Variants in UBN2 observed in about 807,000 individuals in gnomAD.
UBN2 encodes ubinuclein 2.
UBN2 carries 35 observed loss-of-function variants against 120.2 expected under a neutral mutation model. The ratio of observed to expected loss-of-function variants is 0.29; its 90% CI spans 0.22 to 0.39. The LOEUF (loss-of-function observed/expected upper bound fraction) is 0.39. UBN2 is among the 10% of genes least tolerant of loss of function. The pLI is 1.00. For missense variants in UBN2, 1,693 were observed against 1,663.2 expected (o/e 1.02, Z -0.31); for synonymous variants, 661 against 648.7 (o/e 1.02, Z -0.29).
chr7:139,248,367 G>GT (rs1024773908), intron 2 of UBN2, among the ~76,000 whole-genome samples: 4 of 152,052 alleles, frequency 2.6e-5, no homozygotes, highest in African/African-American at 9.7e-5. Flanking sequence ...TTCCAAAAGG[G>GT]TTTTATTGGT....
chr7:139,259,957 G>T (rs1017171335), intron 5 of UBN2, among the ~76,000 whole-genome samples: 1 of 151,986 alleles, frequency 6.6e-6, no homozygotes, highest in African/African-American at 2.4e-5. Flanking sequence ...AGTGAAACAT[G>T]AGGGTTTCAC....
chr7:139,278,863 T>C (rs1215468812), intron 12 of UBN2, among the ~76,000 whole-genome samples: 2 of 152,148 alleles, frequency 1.3e-5, no homozygotes, highest in African/African-American at 2.4e-5. Context: ...CAAGATTCCA[T>C]AGTAATTTTT....
At chr7:139,296,760 A>G (rs1383663060) in intron 17 of UBN2, among the ~76,000 whole-genome samples, 1 of 152,168 alleles carries the variant, frequency 6.6e-6, no homozygotes, top group Non-Finnish European at 1.5e-5. Context: ...GTGTGGTGGC[A>G]CACACCTGTA....
chr7:139,322,711 T>C, the UBN2 span, among the ~76,000 whole-genome samples: 8 of 151,838 alleles, frequency 5.3e-5, no homozygotes, highest in South Asian at 1.7e-3. Context: ...TTTTTGTATT[T>C]TTATTAGAGA....
intron 12 of UBN2, among the ~76,000 whole-genome samples, chr7:139,278,059 T>C (rs1371844700): frequency 6.6e-6 from 1 of 152,154 alleles, no homozygotes; most frequent in African/African-American, 2.4e-5. Context: ...TTGAAAACTG[T>C]GGATAAGGGG....
chr7:139,244,257 G>A (rs552067675), intron 2 of UBN2, among the ~76,000 whole-genome samples: 69 of 152,294 alleles, frequency 4.5e-4, no homozygotes, highest in African/African-American at 1.6e-3. Flanking sequence ...CAAATCACCT[G>A]TAAGTCCACT....
intron 7 of UBN2, among the ~76,000 whole-genome samples, chr7:139,267,244 A>G (rs1393794697): frequency 6.6e-6 from 1 of 152,206 alleles, no homozygotes; most frequent in Non-Finnish European, 1.5e-5. Context: ...ATAGAAAGAC[A>G]CGGGAAAGGT....
intron 11 of UBN2, among the ~76,000 whole-genome samples, chr7:139,274,964 G>A (rs1012737997): frequency 6.6e-5 from 10 of 151,744 alleles, no homozygotes; most frequent in African/African-American, 2.4e-4. Context: ...ACAAAGAGTC[G>A]CTCTGTTTAA....
Position 139,293,229 on chromosome 7 carries a change from C to T in UBN2, c.3670-3C>T. ...TGTATTTTGACCCCTGGTTTCTGCA[C>T]AGTCCACAGCAGGAGCATCATTATT... On this transcript the variant is annotated splice_region_variant and splice_polypyrimidine_tract_variant and intron_variant, in intron 15 of 17. Coordinates refer to ENST00000473989, the MANE Select transcript of UBN2 (RefSeq NM_173569.4). The T allele has an allele frequency of 6.2e-7, 1 of 1,613,156 alleles. No individual in the cohort carries two copies. The highest frequency in any genetic ancestry group is 8.5e-7 in the Non-Finnish European group (1 of 1,179,132).
chr7:139,318,695 A>C, the UBN2 span, among the ~76,000 whole-genome samples: 1 of 152,060 alleles, frequency 6.6e-6, no homozygotes, highest in Non-Finnish European at 1.5e-5. Context: ...GGATTTAAAG[A>C]AGAAGGATTT....
intron 16 of UBN2, 104 bp downstream of exon 16, chr7:139,293,567 T>C: frequency 2.0e-6 from 2 of 977,384 alleles, no homozygotes; most frequent in Non-Finnish European, 2.9e-6. Context: ...TTAATGAAGA[T>C]TATAGTTTTT....
intron 7 of UBN2, among the ~76,000 whole-genome samples, chr7:139,268,938 C>T (rs1797180155): frequency 6.6e-6 from 1 of 152,196 alleles, no homozygotes; most frequent in African/African-American, 2.4e-5. Flanking sequence ...CGCAGTGGCT[C>T]ACACCTGTAA....
chr7:139,238,434 C>T (rs10232675), intron 2 of UBN2, among the ~76,000 whole-genome samples: 2 of 150,590 alleles, frequency 1.3e-5, no homozygotes, highest in Non-Finnish European at 2.9e-5. Context: ...TTCTTTTTCT[C>T]TCTTTTTTTC....
Position 139,231,781 on chromosome 7 carries a change from C to CCCGCCGCTGCCCTTGCAG in UBN2, c.303_320dup (p.Leu102_Pro107dup). On this transcript the variant is annotated inframe_insertion, in exon 1 of 18. Transcript: ENST00000473989. ...CGCGGCCCGAGCCGCCGCCGCCGTT[C>CCCGCCGCTGCCCTTGCAG]CCGCCGCTGCCCTTGCAGCCGCCCC... 5.4e-6 allele frequency: 7 copies of CCCGCCGCTGCCCTTGCAG among 1,293,170 alleles called. No individual in the cohort carries two copies. Among genetic ancestry groups the CCCGCCGCTGCCCTTGCAG allele is most frequent in the Non-Finnish European group, 6.8e-6 (7 of 1,026,274 alleles). The allele number at this position is 1,293,170 out of a possible 1,614,324, so 80.1% of individuals were successfully genotyped here.
At position 139,283,253 on chromosome 7, in the gene UBN2, G is replaced by T. The variant is rs1797669504; in HGVS notation, c.2348G>T (p.Gly783Val). The part of the protein sequence containing the change: ...ALAVINNGNK[G>V]PPVGSRISMP... ...GCGGTTATCAACAATGGGAACAAGGGCCCTCCAGTTGGCTCAAGGATAAGC... is the reference window on the plus strand; with the variant it reads ...GCGGTTATCAACAATGGGAACAAGGTCCCTCCAGTTGGCTCAAGGATAAGC... Residue 783 changes from glycine (G) to valine (V), a missense_variant, in exon 15 of 18, where the codon GGC becomes GTC. Physicochemically the swap from Gly to Val is moderately radical, Grantham distance 109. Around this residue, in one of 5 missense-constraint regions of UBN2, gnomAD observed 837 missense variants for 817.6 expected, o/e 1.02. Coordinates refer to ENST00000473989, the MANE Select transcript of UBN2 (RefSeq NM_173569.4). The T allele has an allele frequency of 1.2e-6, 2 of 1,613,326 alleles. No homozygotes were observed. Among genetic ancestry groups the T allele is most frequent in the Non-Finnish European group, 1.7e-6 (2 of 1,179,956 alleles).
At chr7:139,232,152 C>G (rs1424965317) in intron 1 of UBN2, among the ~76,000 whole-genome samples, 200 bp downstream of exon 1, 1 of 152,068 alleles carries the variant, frequency 6.6e-6, no homozygotes, top group Non-Finnish European at 1.5e-5. Flanking sequence ...GAGGCTCTCA[C>G]CCGGCTGCGC....
At chr7:139,322,447 C>T in the UBN2 span, among the ~76,000 whole-genome samples, 1 of 152,088 alleles carries the variant, frequency 6.6e-6, no homozygotes, top group Non-Finnish European at 1.5e-5. Context: ...TTGTTCATAC[C>T]TTAGCTCCTT....
chr7:139,259,827 C>T (rs1796876774), intron 5 of UBN2, among the ~76,000 whole-genome samples: 2 of 152,136 alleles, frequency 1.3e-5, no homozygotes, highest in Non-Finnish European at 2.9e-5. Flanking sequence ...AGGCTCACTG[C>T]AACTCCCATC....
At chr7:139,268,008 A>AC (rs1437754708) in intron 7 of UBN2, among the ~76,000 whole-genome samples, 1 of 152,044 alleles carries the variant, frequency 6.6e-6, no homozygotes, top group East Asian at 1.9e-4. Flanking sequence ...CCACCTGGGA[A>AC]CCCGAAGTGT....
Sources: gnomAD v4.1 joint callset for allele counts (sites outside exome capture counted in the v4.1 genomes callset) on GRCh38, gnomAD v4.1.1 for gene constraint, gnomAD v4.1.1 regional missense constraint, MANE v1.5 for transcripts, NCBI Gene and HGNC (gene_info 2026-07-23, HGNC 2026-07-21) for gene names.